The following GREB1L variants were observed in gnomAD, a reference collection of about 807,000 sequenced individuals.
GREB1L encodes the protein GREB1 like retinoic acid receptor coactivator, also known as GREB1-like protein.
A neutral mutation model predicts 200.8 loss-of-function variants in GREB1L; 17 were observed. The observed-to-expected ratio is 0.08, with a 90% CI of 0.06 to 0.13. GREB1L has a LOEUF of 0.13. Among genes scored for constraint, GREB1L ranks in the 10% least tolerant of loss-of-function variants. The pLI, the probability that GREB1L is intolerant of heterozygous loss-of-function variation, is 1.00. For missense variants in GREB1L, 1,657 were observed against 2,367.7 expected (o/e 0.70, Z 6.23); for synonymous variants, 789 against 893.0 (o/e 0.88, Z 2.08).
At chr18:21,371,789 A>C (rs1476865741) in intron 2 of GREB1L, among the ~76,000 whole-genome samples, 1 of 151,984 alleles carries the variant, frequency 6.6e-6, no homozygotes, top group Non-Finnish European at 1.5e-5. Flanking sequence ...ATCTCAAAAA[A>C]AAAAAAAAAA....
At chr18:21,245,969 G>A (rs1470162724) in intron 1 of GREB1L, among the ~76,000 whole-genome samples, 1 of 152,124 alleles carries the variant, frequency 6.6e-6, no homozygotes, top group African/African-American at 2.4e-5. Context: ...TGATCTGCCC[G>A]CCTCAGCCTC....
intron 16 of GREB1L, among the ~76,000 whole-genome samples, chr18:21,476,599 T>C (rs540951426): frequency 5.3e-5 from 8 of 152,208 alleles, no homozygotes; most frequent in African/African-American, 1.9e-4. Context: ...TTAAACAGTC[T>C]AGCTGTGTTG....
chr18:21,402,505 C>T (rs2144546723), intron 6 of GREB1L, among the ~76,000 whole-genome samples: 1 of 149,306 alleles, frequency 6.7e-6, no homozygotes, highest in Middle Eastern at 3.4e-3. Flanking sequence ...CTTTCCCTTT[C>T]CTTTTCCTTT....
intron 7 of GREB1L, among the ~76,000 whole-genome samples, chr18:21,423,599 C>T (rs1357231889): frequency 9.2e-5 from 14 of 152,184 alleles, no homozygotes; most frequent in Non-Finnish European, 2.9e-5. Flanking sequence ...TTCACTCATG[C>T]CTGTAATCCC....
intron 5 of GREB1L, among the ~76,000 whole-genome samples, chr18:21,397,215 C>T (rs1169899663): frequency 6.6e-6 from 1 of 151,532 alleles, no homozygotes; most frequent in Non-Finnish European, 1.5e-5. Flanking sequence ...ACATTTTCGG[C>T]CTGGCACGGT....
At chr18:21,449,039 C>T (rs1312502195) in intron 11 of GREB1L, among the ~76,000 whole-genome samples, 1 of 152,164 alleles carries the variant, frequency 6.6e-6, no homozygotes, top group African/African-American at 2.4e-5. Flanking sequence ...CAAAATTAGG[C>T]TTAGAAGCAA....
intron 1 of GREB1L, among the ~76,000 whole-genome samples, chr18:21,246,455 A>G (rs915410838): frequency 3.3e-5 from 5 of 152,214 alleles, no homozygotes; most frequent in African/African-American, 1.2e-4. Flanking sequence ...TAATTTAATC[A>G]GTGTAACATT....
At chr18:21,505,305 C>G in intron 23 of GREB1L, 107 bp from the exon 24 acceptor site, 1 of 1,005,070 alleles carries the variant, frequency 9.9e-7, no homozygotes, top group Non-Finnish European at 1.4e-6. Flanking sequence ...TTCAGAAATG[C>G]CTTTGTCCAC....
At chr18:21,357,519 C>T (rs1310077712) in intron 1 of GREB1L, among the ~76,000 whole-genome samples, 3 of 152,146 alleles carry the variant, frequency 2.0e-5, no homozygotes, top group Admixed American at 6.5e-5. Context: ...GCTTTTACTG[C>T]CTGTGCTTTT....
At chr18:21,390,556 G>C (rs2040755291) in intron 4 of GREB1L, among the ~76,000 whole-genome samples, 1 of 152,112 alleles carries the variant, frequency 6.6e-6, no homozygotes, top group Non-Finnish European at 1.5e-5. Flanking sequence ...TTTTGTTTTT[G>C]AGATGGAGTC....
At chr18:21,359,729 T>TA (rs2039556036) in intron 1 of GREB1L, among the ~76,000 whole-genome samples, 1 of 152,238 alleles carries the variant, frequency 6.6e-6, no homozygotes, top group Non-Finnish European at 1.5e-5. Context: ...TTGCACTGAA[T>TA]AAATACTTAA....
intron 15 of GREB1L, among the ~76,000 whole-genome samples, chr18:21,462,380 AAAAAC>A (rs1313210938): frequency 1.3e-5 from 2 of 152,228 alleles, no homozygotes; most frequent in African/African-American, 4.8e-5. Context: ...CTTATTTTTG[AAAAAC>A]AAAACAAAGC....
intron 15 of GREB1L, 26 bp downstream of exon 15, chr18:21,454,589 C>T: frequency 6.6e-7 from 1 of 1,516,322 alleles, no homozygotes; most frequent in Non-Finnish European, 9.0e-7. Context: ...CAAAGAGGAG[C>T]CCACCTAGAT....
At chr18:21,373,832 C>G (rs1009728526) in intron 2 of GREB1L, among the ~76,000 whole-genome samples, 3 of 152,106 alleles carry the variant, frequency 2.0e-5, no homozygotes, top group Non-Finnish European at 1.5e-5. Context: ...TTTTGTCTTT[C>G]CAAAGGAGCT....
At chr18:21,374,850 C>CTTT (rs535722957) in intron 2 of GREB1L, among the ~76,000 whole-genome samples, 1 of 130,252 alleles carries the variant, frequency 7.7e-6, no homozygotes, top group Non-Finnish European at 1.6e-5. Flanking sequence ...TTTCCTTTTC[C>CTTT]TTTTTTTTTT....
chr18:21,371,076 A>G (rs1011713270), intron 2 of GREB1L, among the ~76,000 whole-genome samples: 2 of 151,648 alleles, frequency 1.3e-5, no homozygotes, highest in Non-Finnish European at 2.9e-5. Flanking sequence ...ACAGAGTAAG[A>G]CTCTGTGTCA....
At chr18:21,376,400 G>T (rs1184945287) in intron 2 of GREB1L, among the ~76,000 whole-genome samples, 1 of 145,622 alleles carries the variant, frequency 6.9e-6, no homozygotes, top group Non-Finnish European at 1.5e-5. Flanking sequence ...GGGATTACAG[G>T]AATGAGCCAC....
In GREB1L at chr18:21,287,142, A is replaced by AT. The variant is rs568664584; in HGVS notation, c.-120+44760dup. Among the ~76,000 whole-genome samples the AT allele has an allele frequency of 2.1e-3, 314 of 148,310 alleles. 2 individuals are homozygous for AT. The highest frequency in any genetic ancestry group is 6.1e-3 in the African/African-American group (249 of 40,650). ...CCTCTAGTAGAGCAATTATATAGGA[A>AT]TTTTTTTTTTTGCCTGAGTTTTTTG... On this transcript the variant is annotated intron_variant, in intron 1 of 32. Coordinates refer to ENST00000424526, the MANE Select transcript of GREB1L (RefSeq NM_001142966.3).
chr18:21,503,648 C>T (rs1407681961), intron 23 of GREB1L, among the ~76,000 whole-genome samples: 2 of 151,726 alleles, frequency 1.3e-5, no homozygotes, highest in African/African-American at 4.8e-5. Context: ...GCGATCTTGG[C>T]TCACTGCAAC....
Sources: gnomAD v4.1 joint callset for allele counts (sites outside exome capture counted in the v4.1 genomes callset) on GRCh38, gnomAD v4.1.1 for gene constraint, MANE v1.5 for transcripts, NCBI Gene and HGNC (gene_info 2026-07-23, HGNC 2026-07-21) for gene names.